OSBPL1A: variants seen among roughly 807,000 people sequenced by gnomAD.
OSBPL1A encodes the protein oxysterol binding protein like 1A, also known as oxysterol-binding protein-related protein 1.
OSBPL1A carries 80 observed loss-of-function variants against 137.1 expected under a neutral mutation model. The observed-to-expected ratio is 0.58, with a 90% CI of 0.49 to 0.70. The LOEUF (loss-of-function observed/expected upper bound fraction) is 0.70, where lower values mean the gene tolerates loss of function less well. Among genes scored for constraint, OSBPL1A ranks in the 30% least tolerant of loss-of-function variants. The pLI, the probability that OSBPL1A is intolerant of heterozygous loss-of-function variation, is 0.00. For missense variants in OSBPL1A, 970 were observed against 1,129.4 expected, an observed-to-expected ratio of 0.86 and a Z score of 2.02; for synonymous variants, 365 against 389.7, an observed-to-expected ratio of 0.94 and a Z score of 0.75.
chr18:24,247,123 A>C (rs1181892271), intron 15 of OSBPL1A, among the ~76,000 whole-genome samples: 1 of 152,246 alleles, frequency 6.6e-6, no homozygotes, highest in Non-Finnish European at 1.5e-5. Context: ...AATGTGAAGG[A>C]AGCCATGGAC....
At chr18:24,196,530 T>C (rs2087037267) in intron 17 of OSBPL1A, among the ~76,000 whole-genome samples, 1 of 152,200 alleles carries the variant, frequency 6.6e-6, no homozygotes, top group East Asian at 1.9e-4. Flanking sequence ...TCTGACCCTG[T>C]TGTTGGATTT....
chr18:24,262,212 G>A (rs2089459904), intron 15 of OSBPL1A, among the ~76,000 whole-genome samples: 1 of 152,140 alleles, frequency 6.6e-6, no homozygotes, highest in Non-Finnish European at 1.5e-5. Context: ...ATGTTTGCAA[G>A]GTCCTCTTAA....
At chr18:24,273,199 C>T (rs1163227531) in intron 15 of OSBPL1A, among the ~76,000 whole-genome samples, 4 of 152,166 alleles carry the variant, frequency 2.6e-5, no homozygotes, top group Admixed American at 2.0e-4. Flanking sequence ...TGAGCCACCA[C>T]GCCCAGCCTC....
At chr18:24,270,000 C>T (rs2089679618) in intron 15 of OSBPL1A, among the ~76,000 whole-genome samples, 1 of 152,122 alleles carries the variant, frequency 6.6e-6, no homozygotes, top group South Asian at 2.1e-4. Flanking sequence ...GTCTTAGCTG[C>T]TTCCAAAATT....
chr18:24,339,537 G>T (rs2091238916), intron 5 of OSBPL1A, among the ~76,000 whole-genome samples: 1 of 152,176 alleles, frequency 6.6e-6, no homozygotes, highest in African/African-American at 2.4e-5. Context: ...GTTTGGAAAT[G>T]TCTTAGAGCA....
At chr18:24,200,184 A>C (rs2087176644) in intron 17 of OSBPL1A, among the ~76,000 whole-genome samples, 1 of 152,114 alleles carries the variant, frequency 6.6e-6, no homozygotes, top group Non-Finnish European at 1.5e-5. Context: ...GCTACTAAAC[A>C]GTTAACATGA....
chr18:24,194,459 A>C (rs2086970951), intron 18 of OSBPL1A, among the ~76,000 whole-genome samples: 2 of 152,206 alleles, frequency 1.3e-5, no homozygotes, highest in African/African-American at 4.8e-5. Context: ...TATTTAACTA[A>C]GGGTTTGAAA....
intron 7 of OSBPL1A, among the ~76,000 whole-genome samples, chr18:24,324,603 T>TAAAA (rs71163674): frequency 1.6e-3 from 9 of 5,654 alleles, no homozygotes; most frequent in Non-Finnish European, 1.7e-3. Flanking sequence ...AATATGAATA[T>TAAAA]AAAAAAAAAA....
intron 14 of OSBPL1A, among the ~76,000 whole-genome samples, chr18:24,282,552 A>G (rs1038224611): frequency 2.0e-4 from 30 of 151,838 alleles, no homozygotes; most frequent in Non-Finnish European, 3.4e-4. Flanking sequence ...ATTAAAAATA[A>G]AAAACAAAAA....
chr18:24,348,187 A>T (rs1355048995), intron 4 of OSBPL1A, among the ~76,000 whole-genome samples: 1 of 152,188 alleles, frequency 6.6e-6, no homozygotes, highest in Non-Finnish European at 1.5e-5. Context: ...ATCAACAATA[A>T]ATGTATATCC....
intron 15 of OSBPL1A, among the ~76,000 whole-genome samples, chr18:24,270,526 C>A (rs1200708949): frequency 6.6e-6 from 1 of 152,136 alleles, no homozygotes; most frequent in Non-Finnish European, 1.5e-5. Context: ...CAGGCTGATA[C>A]AAGTTCCTTT....
chr18:24,313,165 G>A lies in OSBPL1A; in HGVS notation c.970-1059C>T, dbSNP rs1419835590. Among the ~76,000 whole-genome samples the A allele has an allele frequency of 2.1e-5, 3 of 142,336 alleles. No homozygotes were observed. The East Asian group carries it at 6.4e-4, about 30-fold the overall frequency. The allele number at this position is 142,336 out of a possible 152,430, so 93.4% of individuals were successfully genotyped here. On this transcript the variant is annotated intron_variant, in intron 12 of 27. Coordinates refer to ENST00000319481, the MANE Select transcript of OSBPL1A (RefSeq NM_080597.4). ...TAAATAAAAGAAAAAGAAAAGGGCC[G>A]GGCGCGGTGGCTCATGCCTGTAATC...
chr18:24,377,306 A>C, intron 2 of OSBPL1A, 107 bp downstream of exon 2: 2 of 1,321,872 alleles, frequency 1.5e-6, no homozygotes, highest in Non-Finnish European at 2.0e-6. Context: ...TCCTAGCATG[A>C]GAGATAGAGA....
intron 15 of OSBPL1A, among the ~76,000 whole-genome samples, chr18:24,275,591 A>G (rs1370152868): frequency 6.6e-6 from 1 of 152,232 alleles, no homozygotes; most frequent in Non-Finnish European, 1.5e-5. Context: ...TAGAGCTGTA[A>G]GTCCACATGA....
intron 15 of OSBPL1A, among the ~76,000 whole-genome samples, chr18:24,261,779 GC>G (rs751362576): frequency 2.0e-4 from 30 of 152,280 alleles, no homozygotes; most frequent in Middle Eastern, 3.4e-3. Context: ...GCTGCAGTGA[GC>G]TGAGACCTCT....
At chr18:24,258,061 T>A (rs967172572) in intron 15 of OSBPL1A, among the ~76,000 whole-genome samples, 1 of 152,108 alleles carries the variant, frequency 6.6e-6, no homozygotes, top group Non-Finnish European at 1.5e-5. Context: ...GTTTGGAGGT[T>A]TCTCAAAAAA....
intron 1 of OSBPL1A, among the ~76,000 whole-genome samples, chr18:24,395,577 G>A (rs1197640087): frequency 2.6e-5 from 4 of 151,792 alleles, no homozygotes; most frequent in Non-Finnish European, 4.4e-5. Flanking sequence ...TTCTAAAACA[G>A]TATCATTTCC....
chr18:24,397,744 C>A lies in OSBPL1A; in HGVS notation c.-92G>T, dbSNP rs946651244. On this transcript the variant is annotated 5_prime_UTR_variant, in exon 1 of 28. Coordinates refer to ENST00000319481, the MANE Select transcript of OSBPL1A (RefSeq NM_080597.4). Reference sequence around the variant, plus strand: ...GCCCGCCCCACGTCGAGGAAGTGGTCGTCACCAACTCTGGCTGGCACTCCC... The same window carrying A: ...GCCCGCCCCACGTCGAGGAAGTGGTAGTCACCAACTCTGGCTGGCACTCCC... 9.8e-5 allele frequency: 15 copies of A among 152,400 alleles called. No homozygotes were observed. Among genetic ancestry groups the A allele is most frequent in the African/African-American group, 3.6e-4 (15 of 41,596 alleles). 9.4% of individuals were successfully genotyped at this position (152,400 alleles called of 1,614,324 possible).
At chr18:24,268,522 C>T (rs557448543) in intron 15 of OSBPL1A, among the ~76,000 whole-genome samples, 1 of 126,966 alleles carries the variant, frequency 7.9e-6, no homozygotes, top group South Asian at 2.4e-4. Context: ...GCACATGTAC[C>T]CCATTTTTTT....
Sources: allele counts gnomAD v4.1 joint callset (sites outside exome capture counted in the v4.1 genomes callset), GRCh38; gene constraint gnomAD v4.1.1; transcripts MANE v1.5; gene names NCBI Gene and HGNC (gene_info 2026-07-23, HGNC 2026-07-21).